DENND5B: variants seen among roughly 807,000 people sequenced by gnomAD.
The protein encoded by DENND5B is DENN domain containing 5B.
A neutral mutation model predicts 140.6 loss-of-function variants in DENND5B; 34 were observed. The ratio of observed to expected loss-of-function variants is 0.24; its 90% confidence interval spans 0.18 to 0.32. The LOEUF is 0.32. Among genes scored for constraint, DENND5B ranks in the 10% least tolerant of loss-of-function variants. The pLI, the probability that DENND5B is intolerant of heterozygous loss-of-function variation, is 1.00. For synonymous variants in DENND5B, 551 were observed against 562.1 expected (o/e 0.98, Z 0.28); for missense variants, 1,142 against 1,560.2 (o/e 0.73, Z 4.52).
At chr12:31,422,658 T>G (rs1336085039) in intron 11 of DENND5B, among the ~76,000 whole-genome samples, 1 of 152,216 alleles carries the variant, frequency 6.6e-6, no homozygotes, top group Non-Finnish European at 1.5e-5. Flanking sequence ...CCGAAATGGC[T>G]GATTCAGTAT....
chr12:31,499,640 A>G (rs1205605859), intron 1 of DENND5B: 21 of 1,508,492 alleles, frequency 1.4e-5, no homozygotes, highest in Non-Finnish European at 1.7e-5. Flanking sequence ...GGCTCTTGCC[A>G]TGACGATCTG....
intron 1 of DENND5B, among the ~76,000 whole-genome samples, chr12:31,573,474 G>T (rs1949893453): frequency 1.3e-5 from 2 of 152,066 alleles, no homozygotes; most frequent in Non-Finnish European, 2.9e-5. Flanking sequence ...TTCATATCTG[G>T]GCCTCTGCCC....
intron 1 of DENND5B, among the ~76,000 whole-genome samples, chr12:31,558,331 T>C (rs956248600): frequency 2.0e-5 from 3 of 152,062 alleles, no homozygotes; most frequent in Non-Finnish European, 4.4e-5. Context: ...CTGGTGACTC[T>C]CCACAATGAC....
intron 8 of DENND5B, among the ~76,000 whole-genome samples, chr12:31,428,809 G>A (rs1347042000): frequency 6.6e-6 from 1 of 152,100 alleles, no homozygotes; most frequent in East Asian, 1.9e-4. Flanking sequence ...TCGGCTCACT[G>A]CAAGCTCCGC....
chr12:31,462,982 C>G (rs1346826026), intron 3 of DENND5B, among the ~76,000 whole-genome samples: 1 of 151,424 alleles, frequency 6.6e-6, no homozygotes, highest in African/African-American at 2.4e-5. Context: ...AAACAAAAAG[C>G]CAAGCACAGT....
chr12:31,576,663 A>T (rs998233281), intron 1 of DENND5B, among the ~76,000 whole-genome samples: 8 of 152,034 alleles, frequency 5.3e-5, no homozygotes, highest in African/African-American at 1.9e-4. Flanking sequence ...AGGGAGGATT[A>T]CTTGAAGTCA....
chr12:31,433,161 C>T lies in DENND5B; in HGVS notation c.2100G>A (p.Leu700=). 1.9e-6 allele frequency: 3 copies of T among 1,613,924 alleles called. No individual in the cohort carries two copies. Among genetic ancestry groups the T allele is most frequent in the African/African-American group, 1.3e-5 (1 of 75,024 alleles). The change falls in exon 8 of 21, where the codon TTG becomes TTA. Residue 700 remains leucine (L), a synonymous_variant. Transcript: ENST00000389082. ...AGGAAGGTAGACCACATACCTCCCT[C>T]AAGTCGTTGTCCAGCCCAACATGCT... ...HSEHVGLDND[L]REKYMQEARS... is the part of the protein sequence containing the mutation.
At chr12:31,550,017 G>C (rs898440698) in intron 1 of DENND5B, among the ~76,000 whole-genome samples, 2 of 151,532 alleles carry the variant, frequency 1.3e-5, no homozygotes, top group Admixed American at 1.3e-4. Flanking sequence ...TCTGGTTCTA[G>C]ATCTCTGAGG....
intron 15 of DENND5B, among the ~76,000 whole-genome samples, chr12:31,400,264 A>G (rs914577733): frequency 1.3e-5 from 2 of 152,170 alleles, no homozygotes; most frequent in Admixed American, 1.3e-4. Context: ...GTAGGTATAT[A>G]TATTTATAGG....
chr12:31,419,547 G>A (rs200245051), intron 11 of DENND5B, among the ~76,000 whole-genome samples: 2 of 147,774 alleles, frequency 1.4e-5, no homozygotes, highest in African/African-American at 5.0e-5. Context: ...GTTTGTAGAG[G>A]GCAGGGACTG....
intron 1 of DENND5B, among the ~76,000 whole-genome samples, chr12:31,586,312 A>C: frequency 6.6e-6 from 1 of 152,214 alleles, no homozygotes. Context: ...TTAATATTTA[A>C]AGGGAATTTA....
intron 9 of DENND5B, 45 bp downstream of exon 9, chr12:31,426,248 G>A (rs1943228205): frequency 6.4e-7 from 1 of 1,568,964 alleles, no homozygotes; most frequent in Admixed American, 1.9e-5. Context: ...CACACATGGT[G>A]TAAACATGAA....
chr12:31,536,566 C>T (rs981354388), intron 1 of DENND5B, among the ~76,000 whole-genome samples: 5 of 151,570 alleles, frequency 3.3e-5, no homozygotes, highest in Admixed American at 1.3e-4. Context: ...AGTACACCTA[C>T]AAGATCTAGA....
At chr12:31,518,831 G>A (rs550782805) in intron 1 of DENND5B, among the ~76,000 whole-genome samples, 185 of 152,076 alleles carry the variant, frequency 1.2e-3, no homozygotes, top group African/African-American at 4.3e-3. Context: ...GACTCTAGCT[G>A]CAGCAACTGC....
chr12:31,449,836 T>C (rs1039895979), intron 5 of DENND5B, among the ~76,000 whole-genome samples: 5 of 150,376 alleles, frequency 3.3e-5, no homozygotes, highest in African/African-American at 4.9e-5. Flanking sequence ...GTTCATGCCA[T>C]TCTTCTGCCT....
At chr12:31,499,429 C>T (rs1490909587) in intron 1 of DENND5B, among the ~76,000 whole-genome samples, 7 of 152,118 alleles carry the variant, frequency 4.6e-5, no homozygotes, top group Non-Finnish European at 7.4e-5. Flanking sequence ...GTTTTCAAGG[C>T]TTGAAGCAAA....
intron 1 of DENND5B, among the ~76,000 whole-genome samples, chr12:31,552,644 G>A (rs1241491599): frequency 6.6e-6 from 1 of 152,194 alleles, no homozygotes; most frequent in African/African-American, 2.4e-5. Flanking sequence ...AATGGTACCA[G>A]CTCCTCCTTG....
intron 1 of DENND5B, among the ~76,000 whole-genome samples, chr12:31,513,416 A>G (rs775400424): frequency 3.9e-5 from 6 of 152,200 alleles, no homozygotes; most frequent in Non-Finnish European, 8.8e-5. Context: ...TTGAGGGTAA[A>G]GTACGTATCT....
chr12:31,451,791 G>A, intron 5 of DENND5B, 149 bp downstream of exon 5: 2 of 911,942 alleles, frequency 2.2e-6, no homozygotes, highest in Non-Finnish European at 3.2e-6. Context: ...TAATGGGGCT[G>A]GAAGACAAAA....
Sources: allele counts gnomAD v4.1 joint callset (sites outside exome capture counted in the v4.1 genomes callset), GRCh38; gene constraint gnomAD v4.1.1; transcripts MANE v1.5; gene names NCBI Gene and HGNC (gene_info 2026-07-23, HGNC 2026-07-21).